Variants in CEP85L observed in about 807,000 individuals in gnomAD.
CEP85L encodes the protein centrosomal protein 85L, also known as centrosomal protein of 85 kDa-like.
A neutral mutation model predicts 100.3 loss-of-function variants in CEP85L; 60 were observed. The ratio of observed to expected loss-of-function variants is 0.60; its 90% CI spans 0.49 to 0.74. The LOEUF is 0.74. CEP85L is among the 30% of genes least tolerant of loss of function. CEP85L has a pLI of 0.00. For missense variants in CEP85L, 973 were observed against 936.2 expected (o/e 1.04, Z -0.51); for synonymous variants, 319 against 322.7 (o/e 0.99, Z 0.12).
At chr6:118,560,274 TAAC>T (rs1779147092) in intron 3 of CEP85L, 1 of 167,054 alleles carries the variant, frequency 6.0e-6, no homozygotes, top group Admixed American at 6.5e-5. Flanking sequence ...ACCTTACTGA[TAAC>T]ATAAACAGTA....
At chr6:118,515,507 CCAACAAACTTAA>C (rs1268881926) in intron 4 of CEP85L, among the ~76,000 whole-genome samples, 1 of 152,082 alleles carries the variant, frequency 6.6e-6, no homozygotes, top group Non-Finnish European at 1.5e-5. Context: ...GAAACAAGCA[CCAACAAACTTAA>C]AAGAATTCAA....
At chr6:118,512,903 T>G (rs951688439) in intron 4 of CEP85L, among the ~76,000 whole-genome samples, 31 of 152,098 alleles carry the variant, frequency 2.0e-4, no homozygotes, top group Admixed American at 1.3e-4. Flanking sequence ...CTCATAATAA[T>G]AAGAAAATCC....
intron 1 of CEP85L, among the ~76,000 whole-genome samples, chr6:118,638,214 A>C (rs1774637824): frequency 6.6e-6 from 1 of 152,076 alleles, no homozygotes. Flanking sequence ...TCTCAAAAAA[A>C]AAAAAAGGAA....
chr6:118,691,829 T>C (rs2114316156), intron 1 of CEP85L, among the ~76,000 whole-genome samples: 2 of 152,308 alleles, frequency 1.3e-5, no homozygotes, highest in South Asian at 4.1e-4. Flanking sequence ...TTTTCCATTT[T>C]CTTAGACAAA....
Position 118,600,365 on chromosome 6 carries a change from GTGTGT to G in CEP85L, c.232+32083_232+32087del, listed in dbSNP as rs1562298126. Among the ~76,000 whole-genome samples, 342 of 131,858 alleles carry G rather than the reference GTGTGT, an allele frequency of 2.6e-3. 66 individuals are homozygous for G. Among genetic ancestry groups the G allele is most frequent in the South Asian group, 6.2e-3 (24 of 3,842 alleles). 86.5% of individuals were successfully genotyped at this position (131,858 alleles called of 152,430 possible). A position where few individuals can be genotyped will look rare whatever the true frequency, so the allele number is the denominator to read the frequency against. On this transcript the variant is annotated intron_variant, in intron 2 of 12. Transcript: ENST00000368491. ...TGTGTGTGTGTGTGTGTGTGTGTGT[GTGTGT>G]AACGCCATGGAGCAATCTCAGCTCA...
At chr6:118,555,377 G>A (rs535142713) in intron 3 of CEP85L, among the ~76,000 whole-genome samples, 236 of 146,190 alleles carry the variant, frequency 1.6e-3, no homozygotes, top group African/African-American at 5.5e-3. Context: ...GCAGTGAGCC[G>A]AGATCGTGCC....
At chr6:118,698,865 C>T (rs907747313) in intron 1 of CEP85L, among the ~76,000 whole-genome samples, 4 of 152,156 alleles carry the variant, frequency 2.6e-5, no homozygotes, top group African/African-American at 9.7e-5. Flanking sequence ...ACTATTTTGA[C>T]AGTGACGGTA....
Position 118,553,515 on chromosome 6 carries a change from T to A in CEP85L, c.1020+12014A>T, listed in dbSNP as rs147184753. Among the ~76,000 whole-genome samples the A allele has an allele frequency of 2.6e-3, 394 of 152,290 alleles. 1 individual carries two copies. The highest frequency in any genetic ancestry group is 9.1e-3 in the African/African-American group (377 of 41,574). ...AAAATTGAGCCCAATAAATTAAATG[T>A]ATATCATTAACATTTTAGCGTGTAA... On this transcript the variant is annotated intron_variant, in intron 3 of 12. Transcript: ENST00000368491.
chr6:118,537,907 GATACTCT>G (rs1777687030), intron 3 of CEP85L: 1 of 984,810 alleles, frequency 1.0e-6, no homozygotes, highest in African/African-American at 1.7e-5. Context: ...TATCTGAAGA[GATACTCT>G]ACAAGTGTTT....
chr6:118,605,880 G>A (rs1019902118), intron 2 of CEP85L, among the ~76,000 whole-genome samples: 8 of 152,094 alleles, frequency 5.3e-5, no homozygotes, highest in Non-Finnish European at 1.0e-4. Context: ...CGGGCATGGT[G>A]GCACACACCT....
intron 4 of CEP85L, among the ~76,000 whole-genome samples, chr6:118,516,180 C>A (rs1273198098): frequency 2.0e-5 from 3 of 152,140 alleles, no homozygotes; most frequent in South Asian, 4.1e-4. Context: ...GGTTCCAAAT[C>A]TTTGCTATTG....
At chr6:118,514,293 G>A (rs1038873434) in intron 4 of CEP85L, among the ~76,000 whole-genome samples, 1 of 152,124 alleles carries the variant, frequency 6.6e-6, no homozygotes, top group African/African-American at 2.4e-5. Context: ...GGGAGGCTGA[G>A]GCAGGTGGAT....
intron 2 of CEP85L, among the ~76,000 whole-genome samples, chr6:118,632,049 G>C (rs1774195013): frequency 6.6e-6 from 1 of 152,054 alleles, no homozygotes; most frequent in South Asian, 2.1e-4. Flanking sequence ...GAGTGCAGTG[G>C]CACGATCTCA....
chr6:118,515,746 C>T (rs1333321811), intron 4 of CEP85L, among the ~76,000 whole-genome samples: 3 of 152,118 alleles, frequency 2.0e-5, no homozygotes, highest in East Asian at 3.9e-4. Flanking sequence ...TAAAGAAGAA[C>T]TTAGAAATTT....
intron 3 of CEP85L, among the ~76,000 whole-genome samples, chr6:118,551,245 T>A (rs958746430): frequency 6.6e-6 from 1 of 151,850 alleles, no homozygotes; most frequent in African/African-American, 2.4e-5. Context: ...GAAGCCTGGA[T>A]GTACAGCATA....
intron 2 of CEP85L, among the ~76,000 whole-genome samples, chr6:118,589,949 G>C (rs866736705): frequency 6.6e-6 from 1 of 152,090 alleles, no homozygotes; most frequent in Non-Finnish European, 1.5e-5. Flanking sequence ...AGTATTGTCA[G>C]GTATTCTCTG....
At chr6:118,504,017 A>G (rs892885650) in intron 5 of CEP85L, among the ~76,000 whole-genome samples, 1 of 152,160 alleles carries the variant, frequency 6.6e-6, no homozygotes, top group African/African-American at 2.4e-5. Context: ...ACCAGGAGAA[A>G]TATTTGTAAA....
In CEP85L at chr6:118,651,184, T is replaced by A; in HGVS notation, c.73+13A>T. 4 of 1,495,152 alleles carry A rather than the reference T, an allele frequency of 2.7e-6. No individual in the cohort carries two copies. Among genetic ancestry groups the A allele is most frequent in the Non-Finnish European group, 3.5e-6 (4 of 1,129,280 alleles). The allele number at this position is 1,495,152 out of a possible 1,614,324, so 92.6% of individuals were successfully genotyped here. On this transcript the variant is annotated intron_variant, in intron 1 of 12. Coordinates refer to ENST00000368491, the MANE Select transcript of CEP85L (RefSeq NM_001042475.3). ...GACCCCCACCCCAGCCGGGGCGCTG[T>A]CCCGTTCCTTACCGGCAGGGAAGCT...
chr6:118,670,121 C>T (rs966778303), intron 1 of CEP85L, among the ~76,000 whole-genome samples: 10 of 151,858 alleles, frequency 6.6e-5, no homozygotes, highest in East Asian at 1.9e-4. Flanking sequence ...TCTATCAGAA[C>T]GGGCAGAATA....
Sources: gnomAD v4.1 joint callset for allele counts (sites outside exome capture counted in the v4.1 genomes callset) on GRCh38, gnomAD v4.1.1 for gene constraint, MANE v1.5 for transcripts, NCBI Gene and HGNC (gene_info 2026-07-23, HGNC 2026-07-21) for gene names.